Variants in PCDHA11 observed in about 807,000 individuals in gnomAD.
PCDHA11 encodes the protein protocadherin alpha-11.
In PCDHA11, 61 loss-of-function variants were observed where a neutral mutation model predicts 70.3. That is an observed-to-expected ratio of 0.87 (90% CI 0.71 to 1.07). PCDHA11 has a LOEUF of 1.07. PCDHA11 is among the 50% of genes least tolerant of loss of function. PCDHA11 has a pLI of 0.00. For missense variants in PCDHA11, 1,324 were observed against 1,237.5 expected (o/e 1.07, Z -1.05); for synonymous variants, 633 against 555.1 (o/e 1.14, Z -1.97).
chr5:140,999,786 G>A (rs1050666056), intron 3 of PCDHA11, among the ~76,000 whole-genome samples: 4 of 152,120 alleles, frequency 2.6e-5, no homozygotes, highest in African/African-American at 9.7e-5. Flanking sequence ...CCTAGAAATG[G>A]CAGAGTTATT....
intron 1 of PCDHA11, chr5:140,882,791 A>G (rs1554175610): frequency 6.2e-7 from 1 of 1,614,254 alleles, no homozygotes; most frequent in South Asian, 1.1e-5. Context: ...ACTGGATCCC[A>G]ACGATTATTT....
chr5:140,949,075 C>G (rs1459435331), intron 1 of PCDHA11, among the ~76,000 whole-genome samples: 1 of 151,470 alleles, frequency 6.6e-6, no homozygotes, highest in Non-Finnish European at 1.5e-5. Flanking sequence ...ACTCTTTCAC[C>G]CATTTATTAC....
At chr5:140,886,501 T>C (rs1171128056) in intron 1 of PCDHA11, among the ~76,000 whole-genome samples, 1 of 152,108 alleles carries the variant, frequency 6.6e-6, no homozygotes, top group Non-Finnish European at 1.5e-5. Flanking sequence ...TCTTTTTCCT[T>C]TTATGGATTT....
chr5:140,941,211 CTTCCTTTCTTTCTTT>C (rs1563185551), intron 1 of PCDHA11, among the ~76,000 whole-genome samples: 1,583 of 129,706 alleles, frequency 0.012, 22 homozygotes, highest in African/African-American at 0.029. Flanking sequence ...TCCTTTCTTT[CTTCCTTTCTTTCTTT>C]CTTTCTTTCT....
At chr5:140,962,076 G>A (rs2095654806) in intron 1 of PCDHA11, among the ~76,000 whole-genome samples, 1 of 151,758 alleles carries the variant, frequency 6.6e-6, no homozygotes. Flanking sequence ...TAGTAGAGAC[G>A]GGGTTTCACC....
chr5:140,877,179 G>A (rs1554169418), intron 1 of PCDHA11: 8 of 1,613,712 alleles, frequency 5.0e-6, no homozygotes, highest in East Asian at 2.2e-5. Flanking sequence ...TGGCGACTCC[G>A]GCTGGCAGCG....
intron 1 of PCDHA11, among the ~76,000 whole-genome samples, chr5:140,920,101 G>A (rs880001163): frequency 2.0e-5 from 3 of 152,180 alleles, no homozygotes; most frequent in African/African-American, 7.2e-5. Flanking sequence ...TCTAAAGGGA[G>A]TGCAACCTTG....
chr5:140,940,195 T>C (rs2092570084), intron 1 of PCDHA11, among the ~76,000 whole-genome samples: 1 of 152,220 alleles, frequency 6.6e-6, no homozygotes, highest in African/African-American at 2.4e-5. Flanking sequence ...TTTACATGGG[T>C]GTAAAATTCA....
intron 3 of PCDHA11, among the ~76,000 whole-genome samples, chr5:140,993,307 A>G (rs1388803376): frequency 6.6e-6 from 1 of 152,056 alleles, no homozygotes; most frequent in Non-Finnish European, 1.5e-5. Flanking sequence ...TGCCTCCAGG[A>G]TAATACCTTC....
At chr5:140,927,303 G>A (rs1554204320) in intron 1 of PCDHA11, 69 of 1,614,150 alleles carry the variant, frequency 4.3e-5, no homozygotes, top group Non-Finnish European at 5.7e-5. Context: ...CCGAGTTCCT[G>A]ACGCCCGGAG....
At position 140,928,790 on chromosome 5, in the gene PCDHA11, G is replaced by T. The variant is rs370207805; in HGVS notation, c.2392-50159G>T. The T allele has an allele frequency of 9.3e-6, 15 of 1,614,058 alleles. No homozygotes were observed. Among genetic ancestry groups the T allele is most frequent in the Non-Finnish European group, 1.2e-5 (14 of 1,180,044 alleles). On this transcript the variant is annotated intron_variant, in intron 1 of 3. Coordinates refer to ENST00000398640, the MANE Select transcript of PCDHA11 (RefSeq NM_018902.5). The stretch of plus-strand genomic sequence containing the variant: ...CTTCCCACTGATGCAGTTAAGCAGA[G>T]GGTGGTGGTAGTGGTTCGGGACCAT...
intron 1 of PCDHA11, chr5:140,877,906 A>G: frequency 2.1e-6 from 3 of 1,435,008 alleles, no homozygotes; most frequent in Non-Finnish European, 1.8e-6. Flanking sequence ...TTATAACTAC[A>G]TTCTCTCATT....
At chr5:140,980,835 T>A (rs2096907301) in intron 2 of PCDHA11, among the ~76,000 whole-genome samples, 1 of 152,220 alleles carries the variant, frequency 6.6e-6, no homozygotes, top group South Asian at 2.1e-4. Flanking sequence ...GTTGTGAACC[T>A]AAATAATACT....
At chr5:140,963,397 G>A (rs1190925238) in intron 1 of PCDHA11, among the ~76,000 whole-genome samples, 1 of 152,160 alleles carries the variant, frequency 6.6e-6, no homozygotes, top group Admixed American at 6.5e-5. Context: ...GCTCCCTACT[G>A]GATGCTGTAG....
At chr5:140,978,246 C>G (rs1243560833) in intron 1 of PCDHA11, among the ~76,000 whole-genome samples, 1 of 152,148 alleles carries the variant, frequency 6.6e-6, no homozygotes, top group Admixed American at 6.5e-5. Context: ...TCAGCTACTC[C>G]CTGTTAAACA....
At position 140,951,544 on chromosome 5, in the gene PCDHA11, G is replaced by A. The variant is rs543008494; in HGVS notation, c.2392-27405G>A. On this transcript the variant is annotated intron_variant, in intron 1 of 3. Transcript: ENST00000398640. ...CATGGCCGGTGCAGGAGCAAGGGAC[G>A]GGGGGAAGTGCTACGCACTTTTAAA... Among the ~76,000 whole-genome samples the A allele has an allele frequency of 1.4e-3, 220 of 151,994 alleles. 1 individual carries two copies. The highest frequency in any genetic ancestry group is 4.9e-3 in the African/African-American group (204 of 41,462).
intron 2 of PCDHA11, among the ~76,000 whole-genome samples, chr5:140,979,831 A>G (rs1401761792): frequency 5.3e-5 from 8 of 152,236 alleles, no homozygotes; most frequent in African/African-American, 1.9e-4. Context: ...TTAAAGAAGA[A>G]ATAATCTTCA....
intron 1 of PCDHA11, among the ~76,000 whole-genome samples, chr5:140,959,091 G>A (rs1257984257): frequency 3.3e-5 from 5 of 152,048 alleles, no homozygotes; most frequent in African/African-American, 1.2e-4. Context: ...CTTGGTTTCG[G>A]ACATTCAGCA....
At chr5:140,915,626 G>GTCTCTCTCTCTCTC (rs57920489) in intron 1 of PCDHA11, among the ~76,000 whole-genome samples, 21 of 146,534 alleles carry the variant, frequency 1.4e-4, no homozygotes, top group African/African-American at 5.0e-4. Context: ...GTCTCTTTCT[G>GTCTCTCTCTCTCTC]TCTCTCTCTC....
Sources: gnomAD v4.1 joint callset for allele counts (sites outside exome capture counted in the v4.1 genomes callset) on GRCh38, gnomAD v4.1.1 for gene constraint, MANE v1.5 for transcripts, NCBI Gene and HGNC (gene_info 2026-07-23, HGNC 2026-07-21) for gene names.